Variants in FAM168A observed in about 807,000 individuals in gnomAD.
FAM168A encodes the protein family with sequence similarity 168 member A.
FAM168A carries 3 observed loss-of-function variants against 28.5 expected under a neutral mutation model. The ratio of observed to expected loss-of-function variants is 0.11; its 90% confidence interval spans 0.05 to 0.27. The LOEUF is 0.27. Ranked by LOEUF, FAM168A falls within the 10% of genes least tolerant of loss-of-function variation. The probability of loss-of-function intolerance (pLI) is 1.00; values close to 1 mark genes in which losing one functional copy is unlikely to be tolerated. For missense variants in FAM168A, 222 were observed against 311.5 expected (o/e 0.71, Z 2.16); for synonymous variants, 122 against 124.2 (o/e 0.98, Z 0.12).
At chr11:73,532,156 G>A (rs904540121) in intron 1 of FAM168A, among the ~76,000 whole-genome samples, 4 of 151,730 alleles carry the variant, frequency 2.6e-5, no homozygotes, top group Non-Finnish European at 4.4e-5. Context: ...GTCATTCCCT[G>A]CACCCTTGAT....
At position 73,459,179 on chromosome 11, in the gene FAM168A, G is replaced by A. The variant is rs1366540520; in HGVS notation, c.70+9226C>T. Among the ~76,000 whole-genome samples, 6 of 151,986 alleles carry A rather than the reference G, an allele frequency of 3.9e-5. No homozygotes were observed. In the East Asian group the frequency reaches 1.2e-3, roughly 30 times the overall value. On this transcript the variant is annotated intron_variant, in intron 2 of 7. Coordinates refer to ENST00000356467, the MANE Select transcript of FAM168A (RefSeq NM_015159.3). ...GCTCACTGCAGCCTCAACCTCCTGGGCTCAAGCAACCCTCCCACCTCAGCC... is the reference window on the plus strand; with the variant it reads ...GCTCACTGCAGCCTCAACCTCCTGGACTCAAGCAACCCTCCCACCTCAGCC...
intron 1 of FAM168A, among the ~76,000 whole-genome samples, chr11:73,504,508 T>C (rs1030450971): frequency 1.3e-5 from 2 of 152,174 alleles, no homozygotes; most frequent in South Asian, 2.1e-4. Flanking sequence ...AAACAACAGA[T>C]GCTGGCGAGG....
At chr11:73,445,674 T>C (rs1011898714) in intron 2 of FAM168A, among the ~76,000 whole-genome samples, 5 of 152,062 alleles carry the variant, frequency 3.3e-5, no homozygotes, top group African/African-American at 1.2e-4. Flanking sequence ...GTGTGCAACA[T>C]GCACACCAGG....
intron 1 of FAM168A, among the ~76,000 whole-genome samples, chr11:73,517,079 C>T (rs540540472): frequency 3.3e-5 from 5 of 152,226 alleles, no homozygotes; most frequent in South Asian, 4.2e-4. Flanking sequence ...ACGGCATTTG[C>T]GAGACCACTG....
At chr11:73,493,091 G>C (rs184349776) in intron 1 of FAM168A, among the ~76,000 whole-genome samples, 193 of 151,924 alleles carry the variant, frequency 1.3e-3, no homozygotes, top group African/African-American at 4.6e-3. Context: ...TGGGTGACAG[G>C]ATCATTCATA....
rs1295253408 is a variant in FAM168A, at chr11:73,453,389, C to T, written c.70+15016G>A. Reference sequence around the variant, plus strand: ...GGGAAGTAGAACTCTGGGAAGCTGGCCAATTCTGACCCTAAATGCCAAGGA... The same window carrying T: ...GGGAAGTAGAACTCTGGGAAGCTGGTCAATTCTGACCCTAAATGCCAAGGA... On this transcript the variant is annotated intron_variant, in intron 2 of 7. Coordinates refer to ENST00000356467, the MANE Select transcript of FAM168A (RefSeq NM_015159.3). Among the ~76,000 whole-genome samples, 4 of 152,238 alleles carry T rather than the reference C, an allele frequency of 2.6e-5. No homozygotes were observed. The East Asian group carries it at 7.7e-4, about 29-fold the overall frequency.
intron 1 of FAM168A, among the ~76,000 whole-genome samples, chr11:73,550,400 T>A: frequency 6.6e-6 from 1 of 152,202 alleles, no homozygotes; most frequent in Non-Finnish European, 1.5e-5. Flanking sequence ...ATGCCTGTAA[T>A]CCCAGCACTT....
chr11:73,411,337 G>T (rs1866606349), intron 5 of FAM168A, 57 bp downstream of exon 5: 1 of 1,532,544 alleles, frequency 6.5e-7, no homozygotes, highest in Admixed American at 2.0e-5. Flanking sequence ...CCACCACACT[G>T]CACCCAGGCT....
intron 2 of FAM168A, among the ~76,000 whole-genome samples, chr11:73,433,555 T>C (rs1867035077): frequency 6.6e-6 from 1 of 152,160 alleles, no homozygotes; most frequent in African/African-American, 2.4e-5. Context: ...AGTTAATTTT[T>C]ATATATGATA....
At chr11:73,497,009 T>G (rs1213612651) in intron 1 of FAM168A, among the ~76,000 whole-genome samples, 2 of 152,158 alleles carry the variant, frequency 1.3e-5, no homozygotes, top group African/African-American at 4.8e-5. Context: ...CACGTATTTT[T>G]GAAAAATGGC....
intron 1 of FAM168A, among the ~76,000 whole-genome samples, chr11:73,559,343 G>A (rs1049900858): frequency 2.0e-5 from 3 of 151,932 alleles, no homozygotes; most frequent in African/African-American, 7.3e-5. Context: ...GGAGGCGGAG[G>A]ATGCAGTGAG....
At chr11:73,516,099 T>TAAA (rs1565279510) in intron 1 of FAM168A, among the ~76,000 whole-genome samples, 3 of 121,556 alleles carry the variant, frequency 2.5e-5, no homozygotes, top group Admixed American at 8.4e-5. Context: ...GACTCTGCCT[T>TAAA]TAAAAAAAAA....
At chr11:73,525,242 C>T (rs950040465) in intron 1 of FAM168A, among the ~76,000 whole-genome samples, 5 of 152,114 alleles carry the variant, frequency 3.3e-5, no homozygotes, top group East Asian at 1.9e-4. Context: ...CAGACACGTA[C>T]GAACAGTAGA....
chr11:73,426,821 G>A (rs941798539), intron 3 of FAM168A, among the ~76,000 whole-genome samples: 1 of 151,912 alleles, frequency 6.6e-6, no homozygotes, highest in African/African-American at 2.4e-5. Context: ...TTTCAACTCC[G>A]AGTTTGGGGC....
At chr11:73,509,799 G>C (rs1342642795) in intron 1 of FAM168A, among the ~76,000 whole-genome samples, 1 of 152,072 alleles carries the variant, frequency 6.6e-6, no homozygotes, top group Non-Finnish European at 1.5e-5. Flanking sequence ...AGAGAAGTAT[G>C]TGTTCACTTT....
intron 1 of FAM168A, among the ~76,000 whole-genome samples, chr11:73,586,477 C>G (rs555294195): frequency 1.3e-5 from 2 of 152,154 alleles, no homozygotes. Flanking sequence ...AATATGGCCA[C>G]ATACACACAG....
Position 73,436,534 on chromosome 11 carries a change from C to A in FAM168A, c.71-5764G>T, listed in dbSNP as rs114110840. ...CCAAAACAATGACCAAAAAAAAAAT[C>A]TTTATTCTCTCAAGATAATAAAGAA... On this transcript the variant is annotated intron_variant, in intron 2 of 7. Transcript: ENST00000356467. Among the ~76,000 whole-genome samples the A allele has an allele frequency of 6.0e-3, 912 of 151,828 alleles. 6 individuals are homozygous for A. Among genetic ancestry groups the A allele is most frequent in the African/African-American group, 0.02 (839 of 41,312 alleles).
intron 1 of FAM168A, among the ~76,000 whole-genome samples, chr11:73,587,862 GCCTCAGCCT>G (rs1565310153): frequency 6.6e-6 from 1 of 151,926 alleles, no homozygotes; most frequent in Non-Finnish European, 1.5e-5. Context: ...AGATTCTTCT[GCCTCAGCCT>G]CCCAAGTAGC....
At position 73,419,843 on chromosome 11, in the gene FAM168A, G is replaced by A. The variant is rs757824663; in HGVS notation, c.277+31C>T. The A allele has an allele frequency of 2.0e-4, 318 of 1,611,892 alleles. 1 individual carries two copies. Among genetic ancestry groups the A allele is most frequent in the Non-Finnish European group, 1.2e-5 (14 of 1,178,932 alleles). ...AGAAACAAATCAGTCCCAACCAAGG[G>A]GAACAAGGAAATGAGACAGGCTGTA... On this transcript the variant is annotated intron_variant, in intron 4 of 7. Transcript: ENST00000356467.
Sources: allele counts gnomAD v4.1 joint callset (sites outside exome capture counted in the v4.1 genomes callset), GRCh38; gene constraint gnomAD v4.1.1; transcripts MANE v1.5; gene names NCBI Gene and HGNC (gene_info 2026-07-23, HGNC 2026-07-21).